MACROD2: variants seen among roughly 807,000 people sequenced by gnomAD.
MACROD2 encodes the protein ADP-ribose glycohydrolase MACROD2.
Under a neutral mutation model 70.4 loss-of-function variants are expected in MACROD2, and 36 were observed. That is an observed-to-expected ratio of 0.51 (90% CI 0.39 to 0.68). The LOEUF (loss-of-function observed/expected upper bound fraction) is 0.68. Among genes scored for constraint, MACROD2 ranks in the 30% least tolerant of loss-of-function variants. MACROD2 has a pLI of 0.00. For missense variants in MACROD2, 496 were observed against 538.4 expected (o/e 0.92, Z 0.78); for synonymous variants, 172 against 178.8 (o/e 0.96, Z 0.30).
chr20:14,903,679 TA>T (rs2073924709), intron 5 of MACROD2, among the ~76,000 whole-genome samples: 2 of 152,110 alleles, frequency 1.3e-5, no homozygotes, highest in African/African-American at 4.8e-5. Flanking sequence ...CTGTGACAAA[TA>T]ATCCCCACAT....
At chr20:15,115,888 G>A (rs906285083) in intron 5 of MACROD2, among the ~76,000 whole-genome samples, 1 of 152,114 alleles carries the variant, frequency 6.6e-6, no homozygotes, top group African/African-American at 2.4e-5. Flanking sequence ...AGTTGGTGGT[G>A]CAGGTTTTCT....
At chr20:14,054,577 T>G (rs2053611784) in intron 2 of MACROD2, among the ~76,000 whole-genome samples, 1 of 152,150 alleles carries the variant, frequency 6.6e-6, no homozygotes, top group African/African-American at 2.4e-5. Context: ...GTTTGAAGTT[T>G]TTAAACTTTA....
rs141581997 is a variant in MACROD2 at position 15,008,941 on chromosome 20, T to A, written c.419-220999T>A. Among the ~76,000 whole-genome samples the A allele has an allele frequency of 6.9e-3, 1,051 of 152,210 alleles. 10 individuals carry two copies. The highest frequency in any genetic ancestry group is 0.024 in the African/African-American group (1,004 of 41,538). ...TTTAGTGGAGGAGGAGTTGGGAAGC[T>A]TGAGTAAAACCCTTATTCTGCCAGA... On this transcript the variant is annotated intron_variant, in intron 5 of 17. Coordinates refer to ENST00000684519, the MANE Select transcript of MACROD2 (RefSeq NM_001351661.2).
At chr20:14,269,953 G>A (rs1053388579) in intron 3 of MACROD2, among the ~76,000 whole-genome samples, 2 of 151,918 alleles carry the variant, frequency 1.3e-5, no homozygotes, top group Non-Finnish European at 2.9e-5. Context: ...CCATTCCTTA[G>A]GGATATTATA....
At chr20:15,948,294 A>G (rs952133854) in intron 12 of MACROD2, among the ~76,000 whole-genome samples, 6 of 149,102 alleles carry the variant, frequency 4.0e-5, no homozygotes, top group African/African-American at 7.4e-5. Context: ...GGGAGGGACA[A>G]TGATCGGCAT....
intron 4 of MACROD2, among the ~76,000 whole-genome samples, chr20:14,545,891 A>T (rs1486249992): frequency 6.6e-6 from 1 of 152,222 alleles, no homozygotes; most frequent in Non-Finnish European, 1.5e-5. Context: ...ATATCTGTAT[A>T]CATGTGCACA....
chr20:16,027,053 T>C (rs1405749184), intron 15 of MACROD2, among the ~76,000 whole-genome samples: 2 of 152,186 alleles, frequency 1.3e-5, no homozygotes, highest in Non-Finnish European at 2.9e-5. Context: ...TGATATTGCT[T>C]TGTGAAAATA....
intron 3 of MACROD2, among the ~76,000 whole-genome samples, chr20:14,124,324 T>C (rs2054619984): frequency 6.6e-6 from 1 of 152,188 alleles, no homozygotes; most frequent in Non-Finnish European, 1.5e-5. Flanking sequence ...GAATATACCA[T>C]GTGAGCTCCT....
intron 8 of MACROD2, among the ~76,000 whole-genome samples, chr20:15,687,893 G>T (rs1350301345): frequency 6.6e-6 from 1 of 152,066 alleles, no homozygotes; most frequent in African/African-American, 2.4e-5. Context: ...AAAGCTGGTT[G>T]CTCATCTGTT....
intron 3 of MACROD2, among the ~76,000 whole-genome samples, chr20:14,178,095 C>G (rs866993568): frequency 6.6e-6 from 1 of 152,084 alleles, no homozygotes; most frequent in Non-Finnish European, 1.5e-5. Context: ...TTCACAACAT[C>G]TAGGGAAAAG....
At chr20:15,422,197 G>T (rs2046238214) in intron 6 of MACROD2, among the ~76,000 whole-genome samples, 1 of 152,134 alleles carries the variant, frequency 6.6e-6, no homozygotes, top group South Asian at 2.1e-4. Context: ...TGATTACAGG[G>T]TTGAGTTGAG....
chr20:14,352,944 T>G (rs1312503050), intron 3 of MACROD2, among the ~76,000 whole-genome samples: 3 of 152,210 alleles, frequency 2.0e-5, no homozygotes, highest in Non-Finnish European at 4.4e-5. Flanking sequence ...GAGTTTCCAC[T>G]CTCATCCACT....
intron 4 of MACROD2, among the ~76,000 whole-genome samples, chr20:14,657,313 T>C (rs1600506473): frequency 6.6e-6 from 1 of 152,250 alleles, no homozygotes; most frequent in Non-Finnish European, 1.5e-5. Flanking sequence ...ATTCTGCTCC[T>C]GGCAGTTGTG....
intron 2 of MACROD2, among the ~76,000 whole-genome samples, chr20:14,031,078 A>T (rs1298041771): frequency 6.6e-6 from 1 of 152,236 alleles, no homozygotes; most frequent in East Asian, 1.9e-4. Flanking sequence ...ACTTGCTAAC[A>T]GCTCTAGCCT....
intron 3 of MACROD2, among the ~76,000 whole-genome samples, chr20:14,442,936 C>T (rs545425200): frequency 6.6e-5 from 10 of 151,848 alleles, no homozygotes; most frequent in East Asian, 3.9e-4. Context: ...TAATTTAGCC[C>T]GGTGTGGTGG....
intron 5 of MACROD2, among the ~76,000 whole-genome samples, chr20:14,705,295 A>G (rs1337410783): frequency 2.0e-5 from 3 of 152,020 alleles, no homozygotes; most frequent in African/African-American, 7.3e-5. Context: ...TTCCCCTCCC[A>G]AGCATAATAT....
At position 15,157,794 on chromosome 20, in the gene MACROD2, G is replaced by T. The variant is rs1032347030; in HGVS notation, c.419-72146G>T. ...CAAGGTGTTTATTATTGTACCTGCA[G>T]ATGCTGGTTAGTGGTGGCTGTATCC... On this transcript the variant is annotated intron_variant, in intron 5 of 17. Coordinates refer to ENST00000684519, the MANE Select transcript of MACROD2 (RefSeq NM_001351661.2). Among the ~76,000 whole-genome samples the T allele has an allele frequency of 1.1e-4, 17 of 152,114 alleles. 1 individual carries two copies. Among genetic ancestry groups the T allele is most frequent in the Non-Finnish European group, 4.4e-5 (3 of 68,030 alleles).
intron 6 of MACROD2, among the ~76,000 whole-genome samples, chr20:15,413,860 C>G (rs112736204): frequency 6.6e-6 from 1 of 152,106 alleles, no homozygotes; most frequent in Non-Finnish European, 1.5e-5. Flanking sequence ...TGACAAGAAA[C>G]GATACCTTAG....
chr20:14,934,146 C>T (rs566256082), intron 5 of MACROD2, among the ~76,000 whole-genome samples: 3 of 152,252 alleles, frequency 2.0e-5, no homozygotes, highest in Admixed American at 6.5e-5. Context: ...TTTACCAAGA[C>T]GAATGAGCTC....
Sources: allele counts gnomAD v4.1 joint callset (sites outside exome capture counted in the v4.1 genomes callset), GRCh38; gene constraint gnomAD v4.1.1; transcripts MANE v1.5; gene names NCBI Gene and HGNC (gene_info 2026-07-23, HGNC 2026-07-21).